GFRA1: variants seen among roughly 807,000 people sequenced by gnomAD.
GFRA1 encodes the protein GDNF family receptor alpha 1.
A neutral mutation model predicts 51.6 loss-of-function variants in GFRA1; 16 were observed. That is an observed-to-expected ratio of 0.31 (90% confidence interval 0.21 to 0.47). The LOEUF (loss-of-function observed/expected upper bound fraction) is 0.47. Among genes scored for constraint, GFRA1 ranks in the 20% least tolerant of loss-of-function variants. The probability of loss-of-function intolerance (pLI) is 1.00; values close to 1 mark genes in which losing one functional copy is unlikely to be tolerated. For synonymous variants in GFRA1, 270 were observed against 241.3 expected (o/e 1.12, Z -1.10); for missense variants, 530 against 594.3 (o/e 0.89, Z 1.13).
chr10:116,199,801 C>G (rs1371142914), intron 5 of GFRA1, among the ~76,000 whole-genome samples: 2 of 152,118 alleles, frequency 1.3e-5, no homozygotes, highest in Non-Finnish European at 1.5e-5. Context: ...AATGTATACA[C>G]CTGTATAGCC....
chr10:116,064,720 G>C (rs1345714892), intron 10 of GFRA1, among the ~76,000 whole-genome samples, 176 bp from the exon 11 acceptor site: 2 of 152,080 alleles, frequency 1.3e-5, no homozygotes, highest in Non-Finnish European at 2.9e-5. Flanking sequence ...AAGAAACCAT[G>C]AACCTGGGTT....
At chr10:116,120,940 C>T (rs1011328776) in intron 6 of GFRA1, among the ~76,000 whole-genome samples, 3 of 152,138 alleles carry the variant, frequency 2.0e-5, no homozygotes, top group Non-Finnish European at 4.4e-5. Flanking sequence ...CGGGCGGCTT[C>T]GCAGGCTTGG....
chr10:116,255,094 C>A (rs1565683343), intron 4 of GFRA1, among the ~76,000 whole-genome samples: 1 of 152,140 alleles, frequency 6.6e-6, no homozygotes, highest in Non-Finnish European at 1.5e-5. Context: ...CTAAAGTTAC[C>A]CCCCTCCACC....
At chr10:116,150,660 C>T (rs920822163) in intron 5 of GFRA1, among the ~76,000 whole-genome samples, 2 of 152,168 alleles carry the variant, frequency 1.3e-5, no homozygotes, top group Admixed American at 1.3e-4. Flanking sequence ...ACTTTGGAAA[C>T]AAAACATCGT....
intron 6 of GFRA1, among the ~76,000 whole-genome samples, chr10:116,107,142 C>T (rs1466238370): frequency 6.6e-6 from 1 of 152,140 alleles, no homozygotes; most frequent in Non-Finnish European, 1.5e-5. Flanking sequence ...TCCTAACACA[C>T]CTAATATACT....
chr10:116,100,409 C>T (rs1956772392), intron 6 of GFRA1, among the ~76,000 whole-genome samples: 1 of 152,204 alleles, frequency 6.6e-6, no homozygotes, highest in Admixed American at 6.5e-5. Context: ...AACATGACCA[C>T]ATTCAATCTG....
chr10:116,270,770 CGCCT>C, intron 3 of GFRA1, 48 bp downstream of exon 3: 1 of 1,512,478 alleles, frequency 6.6e-7, no homozygotes, highest in Middle Eastern at 1.8e-4. Context: ...ACGAAAGGCC[CGCCT>C]GCCTTCGGGG....
intron 5 of GFRA1, among the ~76,000 whole-genome samples, chr10:116,129,827 A>G (rs1958031408): frequency 6.6e-6 from 1 of 152,010 alleles, no homozygotes. Flanking sequence ...TTAATGCATA[A>G]AATGTGTAGT....
intron 4 of GFRA1, among the ~76,000 whole-genome samples, chr10:116,213,173 TA>T (rs1050592461): frequency 1.6e-4 from 25 of 152,334 alleles, no homozygotes; most frequent in African/African-American, 5.8e-4. Context: ...GACTCTAATC[TA>T]ATGAAATAAT....
At chr10:116,273,761 C>A (rs1056931609), upstream of GFRA1, among the ~76,000 whole-genome samples, 9 of 152,086 alleles carry the variant, frequency 5.9e-5, no homozygotes, top group South Asian at 2.1e-4. Flanking sequence ...TTAGGGCAAT[C>A]GAGCCAGACC....
intron 5 of GFRA1, among the ~76,000 whole-genome samples, chr10:116,157,881 T>C (rs1000877609): frequency 1.3e-5 from 2 of 152,226 alleles, no homozygotes; most frequent in South Asian, 2.1e-4. Context: ...ACCTCAGAGC[T>C]GGTGATGGGG....
chr10:116,148,720 T>C (rs1489789218), intron 5 of GFRA1, among the ~76,000 whole-genome samples: 1 of 152,148 alleles, frequency 6.6e-6, no homozygotes, highest in Admixed American at 6.5e-5. Context: ...CATTTCCATG[T>C]GATGGCTTTT....
intron 10 of GFRA1, among the ~76,000 whole-genome samples, chr10:116,065,206 G>C (rs1398163488): frequency 2.6e-5 from 4 of 152,174 alleles, no homozygotes; most frequent in Admixed American, 2.6e-4. Context: ...TCTACCCATG[G>C]GGGCCTGTGG....
At chr10:116,179,836 TAC>T (rs1962035761) in intron 5 of GFRA1, among the ~76,000 whole-genome samples, 2 of 152,168 alleles carry the variant, frequency 1.3e-5, no homozygotes, top group South Asian at 4.1e-4. Flanking sequence ...AGATGCTGTA[TAC>T]AGAGATGCAC....
intron 4 of GFRA1, among the ~76,000 whole-genome samples, chr10:116,255,135 TC>T (rs1351306332): frequency 9.2e-5 from 14 of 152,186 alleles, no homozygotes; most frequent in African/African-American, 2.9e-4. Flanking sequence ...TTTCTGGGCT[TC>T]GACTTCTTTA....
chr10:116,272,916 C>T lies in GFRA1; in HGVS notation c.-247+247G>A, dbSNP rs1217955857. Reference sequence around the variant, plus strand: ...CCTGGGCGTCCGCTCCTCTCACACTCTCGCCCGGTGCCCAGGACTCGGGCG... The same window carrying T: ...CCTGGGCGTCCGCTCCTCTCACACTTTCGCCCGGTGCCCAGGACTCGGGCG... On this transcript the variant is annotated intron_variant, in intron 1 of 10. Transcript: ENST00000355422. The surrounding 1 kb of genome is among the most constrained non-coding windows in gnomAD (Gnocchi z 4.4). 6.6e-6 allele frequency: 1 copy of T among 152,262 alleles called. No homozygotes were observed. Among genetic ancestry groups the T allele is most frequent in the Non-Finnish European group, 1.5e-5 (1 of 68,144 alleles). 9.4% of individuals were successfully genotyped at this position (152,262 alleles called of 1,614,324 possible).
intron 5 of GFRA1, among the ~76,000 whole-genome samples, chr10:116,149,710 A>ACCATCAG (rs1397775050): frequency 1.3e-5 from 2 of 152,188 alleles, no homozygotes; most frequent in African/African-American, 4.8e-5. Flanking sequence ...CCATGAAGGA[A>ACCATCAG]TTGATGTAGG....
At chr10:116,067,742 C>A (rs187133306) in intron 9 of GFRA1, among the ~76,000 whole-genome samples, 1 of 152,272 alleles carries the variant, frequency 6.6e-6, no homozygotes, top group Admixed American at 6.5e-5. Context: ...AGGTAGATTT[C>A]TGACCCTCAT....
chr10:116,197,730 C>T lies in GFRA1; in HGVS notation c.433+13901G>A, dbSNP rs565407758. ...GTGCTACAAAGAAATTAAACAGGGA[C>T]ATGGGGTAGAGTTTCGGGGCAGTGT... is the stretch of plus-strand genomic sequence containing the variant. On this transcript the variant is annotated intron_variant, in intron 5 of 10. Coordinates refer to ENST00000355422, the MANE Select transcript of GFRA1 (RefSeq NM_005264.8). Among the ~76,000 whole-genome samples the T allele has an allele frequency of 1.0e-3, 159 of 152,268 alleles. 1 individual carries two copies. Among genetic ancestry groups the T allele is most frequent in the Admixed American group, 2.2e-3 (33 of 15,302 alleles).
Sources: allele counts gnomAD v4.1 joint callset (sites outside exome capture counted in the v4.1 genomes callset), GRCh38; gene constraint gnomAD v4.1.1; non-coding constraint Gnocchi (gnomAD v3.1); transcripts MANE v1.5; gene names NCBI Gene and HGNC (gene_info 2026-07-23, HGNC 2026-07-21).